OR1J2: variants seen among roughly 807,000 people sequenced by gnomAD.
OR1J2 encodes the protein olfactory receptor family 1 subfamily J member 2, also known as olfactory receptor 1J2.
For synonymous variants in OR1J2, 142 were observed against 99.7 expected, an observed-to-expected ratio of 1.42 and a Z score of -2.52; for missense variants, 304 against 246.1, an observed-to-expected ratio of 1.24 and a Z score of -1.57.
the OR1J2 span, among the ~76,000 whole-genome samples, chr9:122,462,014 G>A: frequency 6.6e-6 from 1 of 152,108 alleles, no homozygotes; most frequent in Admixed American, 6.5e-5. Context: ...TGCCAGTAGA[G>A]TGTTAAATTC....
At chr9:122,568,217 C>G in the OR1J2 span, 2 of 1,614,024 alleles carry the variant, frequency 1.2e-6, no homozygotes, top group African/African-American at 1.3e-5. Flanking sequence ...TCTTTTCTGA[C>G]AGGAAGTTCA....
the OR1J2 span, among the ~76,000 whole-genome samples, chr9:122,536,988 A>C: frequency 3.9e-5 from 6 of 152,346 alleles, no homozygotes; most frequent in African/African-American, 1.4e-4. Context: ...GAAGTCAGGT[A>C]ATGTGATGCT....
the OR1J2 span, among the ~76,000 whole-genome samples, chr9:122,478,811 G>A: frequency 1.8e-3 from 271 of 152,146 alleles, 3 homozygotes; most frequent in South Asian, 0.022. Context: ...ACAGAGTCTC[G>A]CTCTGTTGCC....
the OR1J2 span, chr9:122,477,468 A>G: frequency 1.2e-6 from 2 of 1,614,042 alleles, no homozygotes; most frequent in South Asian, 1.1e-5. Context: ...GAGCACACGC[A>G]CAAGCGATGA....
chr9:122,533,941 G>A, the OR1J2 span, among the ~76,000 whole-genome samples: 10 of 152,202 alleles, frequency 6.6e-5, no homozygotes, highest in Non-Finnish European at 1.2e-4. Context: ...CAATCAGAGA[G>A]CCTTGGGCCA....
chr9:122,524,872 T>A, the OR1J2 span, among the ~76,000 whole-genome samples: 1 of 152,178 alleles, frequency 6.6e-6, no homozygotes, highest in Non-Finnish European at 1.5e-5. Context: ...ATCAGGGGCC[T>A]TAGAGCTCTC....
the OR1J2 span, among the ~76,000 whole-genome samples, chr9:122,457,231 G>A: frequency 2.6e-5 from 4 of 152,106 alleles, no homozygotes; most frequent in Non-Finnish European, 5.9e-5. Context: ...CAGGGGCAGG[G>A]GAAGGGAGAG....
chr9:122,500,853 G>C, the OR1J2 span, among the ~76,000 whole-genome samples: 1 of 152,154 alleles, frequency 6.6e-6, no homozygotes, highest in Non-Finnish European at 1.5e-5. Flanking sequence ...ACTTTATGCA[G>C]AAAGATGTCT....
chr9:122,557,036 G>A, the OR1J2 span, among the ~76,000 whole-genome samples: 1 of 152,058 alleles, frequency 6.6e-6, no homozygotes, highest in Non-Finnish European at 1.5e-5. Context: ...AATTCCATTT[G>A]TTCATTGCTG....
the OR1J2 span, chr9:122,578,523 C>G: frequency 1.3e-5 from 2 of 151,516 alleles, no homozygotes; most frequent in East Asian, 3.9e-4. Context: ...CACCACAATT[C>G]ACAATTGCAA....
At chr9:122,469,850 T>C in the OR1J2 span, among the ~76,000 whole-genome samples, 5 of 152,190 alleles carry the variant, frequency 3.3e-5, no homozygotes, top group Non-Finnish European at 7.3e-5. Flanking sequence ...ATTTTGCCTC[T>C]GCCCTAGAGA....
the OR1J2 span, chr9:122,553,753 A>G: frequency 9.3e-5 from 150 of 1,613,678 alleles, 1 homozygote; most frequent in Non-Finnish European, 1.2e-4. Flanking sequence ...CCTCATTTCT[A>G]TTGTGATCCT....
At chr9:122,515,809 C>A (rs573632971), downstream of OR1J2, among the ~76,000 whole-genome samples, 207 of 152,254 alleles carry the variant, frequency 1.4e-3, 1 homozygote, top group African/African-American at 4.9e-3. Context: ...TTATTACAAT[C>A]TGCTTGATAA....
At chr9:122,461,394 AT>A in the OR1J2 span, among the ~76,000 whole-genome samples, 147 of 148,814 alleles carry the variant, frequency 9.9e-4, 1 homozygote, top group African/African-American at 2.6e-3. Flanking sequence ...TATCTTTTGT[AT>A]TTTTTTTTGT....
chr9:122,496,325 G>T, the OR1J2 span, among the ~76,000 whole-genome samples: 4 of 152,108 alleles, frequency 2.6e-5, no homozygotes, highest in South Asian at 8.3e-4. Context: ...CAGCTACAGG[G>T]TGGGTTGAGA....
the OR1J2 span, among the ~76,000 whole-genome samples, chr9:122,556,544 C>A: frequency 6.6e-6 from 1 of 151,968 alleles, no homozygotes; most frequent in Non-Finnish European, 1.5e-5. Flanking sequence ...GGAGGGAGAG[C>A]ATTAGGACAA....
At chr9:122,488,933 T>G in the OR1J2 span, among the ~76,000 whole-genome samples, 1 of 152,072 alleles carries the variant, frequency 6.6e-6, no homozygotes, top group Admixed American at 6.5e-5. Context: ...TATACACATG[T>G]CATGGTGGTT....
the OR1J2 span, among the ~76,000 whole-genome samples, chr9:122,484,945 G>A: frequency 0.021 from 3,248 of 152,140 alleles, 119 homozygotes; most frequent in African/African-American, 0.075. Flanking sequence ...GAGGTGGGAG[G>A]GTCGCTTGAG....
chr9:122,524,398 A>G, the OR1J2 span, among the ~76,000 whole-genome samples: 1 of 152,226 alleles, frequency 6.6e-6, no homozygotes, highest in African/African-American at 2.4e-5. Context: ...CAAAGGAGGA[A>G]TAAGTTTGGA....
Sources: gnomAD v4.1 joint callset for allele counts (sites outside exome capture counted in the v4.1 genomes callset) on GRCh38, gnomAD v4.1.1 for gene constraint, MANE v1.5 for transcripts, NCBI Gene and HGNC (gene_info 2026-07-23, HGNC 2026-07-21) for gene names.